Variants in IPO7 observed in about 807,000 individuals in gnomAD.
IPO7 encodes importin-7.
IPO7 carries 13 observed loss-of-function variants against 136.4 expected under a neutral mutation model. The ratio of observed to expected loss-of-function variants is 0.10; its 90% CI spans 0.06 to 0.15. The LOEUF (loss-of-function observed/expected upper bound fraction) is 0.15, where lower values mean the gene tolerates loss of function less well. Among genes scored for constraint, IPO7 ranks in the 10% least tolerant of loss-of-function variants. IPO7 has a pLI of 1.00. For synonymous variants in IPO7, 403 were observed against 404.4 expected (o/e 1.00, Z 0.04); for missense variants, 857 against 1,240.6 (o/e 0.69, Z 4.65).
At chr11:9,420,339 A>T in intron 6 of IPO7, 72 bp from the exon 7 acceptor site, 2 of 979,138 alleles carry the variant, frequency 2.0e-6, no homozygotes, top group Middle Eastern at 3.3e-4. Context: ...CATTTTTGTC[A>T]ATCTATTCTC....
At chr11:9,405,230 A>C (rs188363926) in intron 2 of IPO7, among the ~76,000 whole-genome samples, 2,837 of 151,908 alleles carry the variant, frequency 0.019, 81 homozygotes, top group African/African-American at 0.064. Flanking sequence ...ACTGGAGTGC[A>C]GTGGCGCGAT....
intron 1 of IPO7, among the ~76,000 whole-genome samples, chr11:9,387,918 C>T (rs956462318): frequency 9.3e-5 from 14 of 150,936 alleles, no homozygotes; most frequent in Non-Finnish European, 1.9e-4. Context: ...GAGTCCGAGG[C>T]GGGCGGATCA....
intron 10 of IPO7, among the ~76,000 whole-genome samples, chr11:9,424,526 T>C (rs763996983): frequency 1.3e-5 from 2 of 152,132 alleles, no homozygotes; most frequent in Non-Finnish European, 2.9e-5. Flanking sequence ...GGCAGATCGT[T>C]TGAGGTCAGG....
chr11:9,395,141 C>T (rs1158653708), intron 1 of IPO7, among the ~76,000 whole-genome samples: 2 of 152,042 alleles, frequency 1.3e-5, no homozygotes, highest in Non-Finnish European at 2.9e-5. Context: ...TTGATGTTTG[C>T]CAAATTGTTG....
intron 12 of IPO7, among the ~76,000 whole-genome samples, chr11:9,427,377 C>T (rs1284709128): frequency 6.6e-6 from 1 of 152,148 alleles, no homozygotes; most frequent in Admixed American, 6.6e-5. Flanking sequence ...TCTCCTGCCT[C>T]AGCCTCCCGA....
intron 1 of IPO7, among the ~76,000 whole-genome samples, chr11:9,387,028 C>T (rs974937558): frequency 2.2e-4 from 34 of 151,996 alleles, no homozygotes; most frequent in African/African-American, 7.0e-4. Context: ...ATATTTTTTG[C>T]TTTGACTTTC....
At chr11:9,414,565 A>T in intron 5 of IPO7, 154 bp downstream of exon 5, 1 of 444,276 alleles carries the variant, frequency 2.3e-6, no homozygotes, top group Non-Finnish European at 4.0e-6. Flanking sequence ...TGCAAAAATT[A>T]TAAGTCTAAA....
chr11:9,427,855 A>T (rs1356999288), intron 12 of IPO7, among the ~76,000 whole-genome samples: 1 of 152,180 alleles, frequency 6.6e-6, no homozygotes, highest in African/African-American at 2.4e-5. Flanking sequence ...CTGTTCCATG[A>T]CCCAGTCTAG....
intron 19 of IPO7, 105 bp from the exon 20 acceptor site, chr11:9,436,166 A>G (rs911928598): frequency 1.6e-5 from 11 of 670,458 alleles, no homozygotes; most frequent in Non-Finnish European, 2.1e-5. Context: ...GGGTACCTCA[A>G]GTAATACTCA....
At chr11:9,403,068 A>AG (rs1854825079) in intron 1 of IPO7, 2 of 508,010 alleles carry the variant, frequency 3.9e-6, no homozygotes, top group Admixed American at 3.8e-5. Flanking sequence ...TGGGAAGTGC[A>AG]GTGCTATACA....
At chr11:9,393,066 C>T (rs1419638256) in intron 1 of IPO7, among the ~76,000 whole-genome samples, 1 of 151,660 alleles carries the variant, frequency 6.6e-6, no homozygotes, top group Non-Finnish European at 1.5e-5. Flanking sequence ...ACATGAGTTA[C>T]ATACAGAGTG....
chr11:9,442,238 T>C (rs756175560), intron 24 of IPO7, 41 bp downstream of exon 24: 2 of 858,492 alleles, frequency 2.3e-6, no homozygotes, highest in East Asian at 2.5e-5. Flanking sequence ...TTAGTGACTT[T>C]TATAGGTTTA....
chr11:9,433,386 T>C (rs888429644), intron 16 of IPO7, 184 bp from the exon 17 acceptor site: 1 of 548,920 alleles, frequency 1.8e-6, no homozygotes, highest in Non-Finnish European at 3.2e-6. Flanking sequence ...CTCATTGTAA[T>C]GGTATTTCAT....
intron 1 of IPO7, among the ~76,000 whole-genome samples, chr11:9,398,067 A>G (rs990277995): frequency 1.3e-5 from 2 of 152,202 alleles, no homozygotes; most frequent in African/African-American, 2.4e-5. Flanking sequence ...TGGTCTGAAA[A>G]CTGCCCTAGT....
rs778077503 is a variant in IPO7, at chr11:9,446,029, A to C, written c.*835A>C. The C allele has an allele frequency of 5.3e-5, 8 of 151,854 alleles. No individual in the cohort carries two copies. Among genetic ancestry groups the C allele is most frequent in the Non-Finnish European group, 1.2e-4 (8 of 67,990 alleles). The allele number at this position is 151,854 out of a possible 1,614,324, so 9.4% of individuals were successfully genotyped here. On this transcript the variant is annotated 3_prime_UTR_variant, in exon 25 of 25. Transcript: ENST00000379719. Reference sequence around the variant, plus strand: ...TATTTCATTGCTGCTAAAAATGACAACTCCCTCTGTGTCCTGTTTTTCTTA... The same window carrying C: ...TATTTCATTGCTGCTAAAAATGACACCTCCCTCTGTGTCCTGTTTTTCTTA...
chr11:9,426,508 A>C (rs1167409853), intron 12 of IPO7, among the ~76,000 whole-genome samples: 1 of 152,064 alleles, frequency 6.6e-6, no homozygotes, highest in Non-Finnish European at 1.5e-5. Context: ...TTCATTTTTC[A>C]TGGGTATATA....
intron 1 of IPO7, among the ~76,000 whole-genome samples, chr11:9,402,025 C>A (rs528628835): frequency 1.3e-5 from 2 of 152,214 alleles, no homozygotes; most frequent in South Asian, 4.2e-4. Flanking sequence ...TGAAATGTTT[C>A]TATGGAGAAA....
chr11:9,388,552 C>T (rs1854584294), intron 1 of IPO7, among the ~76,000 whole-genome samples: 1 of 151,060 alleles, frequency 6.6e-6, no homozygotes, highest in Non-Finnish European at 1.5e-5. Flanking sequence ...CATCATGGCT[C>T]ACTGCAGCCT....
intron 2 of IPO7, among the ~76,000 whole-genome samples, chr11:9,406,109 T>TTTTTC (rs1176181672): frequency 1.5e-5 from 2 of 135,072 alleles, no homozygotes; most frequent in African/African-American, 5.6e-5. Context: ...CTGGTCTTTT[T>TTTTTC]TTTTTTTTTT....
Sources: gnomAD v4.1 joint callset for allele counts (sites outside exome capture counted in the v4.1 genomes callset) on GRCh38, gnomAD v4.1.1 for gene constraint, MANE v1.5 for transcripts, NCBI Gene and HGNC (gene_info 2026-07-23, HGNC 2026-07-21) for gene names.